SH3BGRL2: variants seen among roughly 807,000 people sequenced by gnomAD.
The protein encoded by SH3BGRL2 is SH3 domain binding glutamate rich protein like 2.
Under a neutral mutation model 14.8 loss-of-function variants are expected in SH3BGRL2, and 21 were observed. The ratio of observed to expected loss-of-function variants is 1.42; its 90% CI spans 1.01 to 2.05. The LOEUF (loss-of-function observed/expected upper bound fraction) is 2.05. Ranked by LOEUF, SH3BGRL2 falls within the 30% of genes most tolerant of loss-of-function variation. SH3BGRL2 has a pLI of 0.00. For synonymous variants in SH3BGRL2, 50 were observed against 47.8 expected, an observed-to-expected ratio of 1.05 and a Z score of -0.19; for missense variants, 147 against 130.8, an observed-to-expected ratio of 1.12 and a Z score of -0.61.
the SH3BGRL2 span, among the ~76,000 whole-genome samples, chr6:79,578,871 T>C: frequency 6.6e-6 from 1 of 152,118 alleles, no homozygotes; most frequent in South Asian, 2.1e-4. Flanking sequence ...AGGAGGATGT[T>C]CAAACCCATT....
At chr6:79,619,229 T>C in the SH3BGRL2 span, among the ~76,000 whole-genome samples, 1 of 152,118 alleles carries the variant, frequency 6.6e-6, no homozygotes, top group Non-Finnish European at 1.5e-5. Context: ...AATTATTTTG[T>C]CTCTTTTTGT....
chr6:79,548,876 G>C, the SH3BGRL2 span, among the ~76,000 whole-genome samples: 10,610 of 152,122 alleles, frequency 0.07, 537 homozygotes, highest in Non-Finnish European at 0.1. Flanking sequence ...GAGATGAAGG[G>C]AATGAGGGGG....
chr6:79,588,079 G>T, the SH3BGRL2 span, among the ~76,000 whole-genome samples: 1 of 152,114 alleles, frequency 6.6e-6, no homozygotes, highest in Non-Finnish European at 1.5e-5. Context: ...GGATCACGAG[G>T]TCAGGAGATT....
At chr6:79,588,653 G>T in the SH3BGRL2 span, among the ~76,000 whole-genome samples, 2 of 152,144 alleles carry the variant, frequency 1.3e-5, no homozygotes, top group African/African-American at 4.8e-5. Context: ...GTGTATAAAA[G>T]TATCAATCAT....
intron 2 of SH3BGRL2, among the ~76,000 whole-genome samples, chr6:79,678,164 A>G (rs1454866660): frequency 2.0e-5 from 3 of 152,192 alleles, no homozygotes; most frequent in Non-Finnish European, 2.9e-5. Flanking sequence ...AAAACATATA[A>G]CACTTACTAT....
chr6:79,540,098 T>G, the SH3BGRL2 span, among the ~76,000 whole-genome samples: 1 of 152,156 alleles, frequency 6.6e-6, no homozygotes, highest in Non-Finnish European at 1.5e-5. Flanking sequence ...ATATGCTGCA[T>G]GTTTAAGAGA....
At chr6:79,552,140 G>A in the SH3BGRL2 span, among the ~76,000 whole-genome samples, 1 of 152,158 alleles carries the variant, frequency 6.6e-6, no homozygotes, top group Admixed American at 6.5e-5. Context: ...TGCAGTCTCT[G>A]TAACCTGGCA....
At chr6:79,676,831 T>C (rs1387686322) in intron 2 of SH3BGRL2, among the ~76,000 whole-genome samples, 1 of 152,160 alleles carries the variant, frequency 6.6e-6, no homozygotes, top group East Asian at 1.9e-4. Context: ...TTTTATCTCT[T>C]TATGACGTCT....
At chr6:79,616,572 A>C in the SH3BGRL2 span, among the ~76,000 whole-genome samples, 4 of 150,276 alleles carry the variant, frequency 2.7e-5, no homozygotes, top group African/African-American at 9.8e-5. Flanking sequence ...CGTCTCAGAG[A>C]TGTTAAGTGA....
chr6:79,673,811 G>A lies in SH3BGRL2; in HGVS notation c.231+12G>A. 6.2e-7 allele frequency: 1 copy of A among 1,609,886 alleles called. No individual in the cohort carries two copies. Among genetic ancestry groups the A allele is most frequent in the Non-Finnish European group, 8.5e-7 (1 of 1,177,940 alleles). ...ACCGATACTGTGGAGTAAGTGGCTA[G>A]ACTGTTATCATGCTGTTTCTTTTTA... On this transcript the variant is annotated intron_variant, in intron 2 of 3. Transcript: ENST00000369838.
intron 2 of SH3BGRL2, among the ~76,000 whole-genome samples, chr6:79,688,070 A>T (rs576631524): frequency 6.6e-6 from 1 of 152,180 alleles, no homozygotes. Flanking sequence ...TAATGTCCTT[A>T]AGTAAGCCTT....
At chr6:79,690,959 T>C (rs564029852) in intron 2 of SH3BGRL2, among the ~76,000 whole-genome samples, 1 of 152,328 alleles carries the variant, frequency 6.6e-6, no homozygotes, top group African/African-American at 2.4e-5. Flanking sequence ...ATTTCTCTCA[T>C]GAACATAGAT....
chr6:79,663,888 C>T (rs755345844), intron 1 of SH3BGRL2, among the ~76,000 whole-genome samples: 14 of 152,206 alleles, frequency 9.2e-5, no homozygotes, highest in Non-Finnish European at 1.6e-4. Flanking sequence ...CCGCCCCTCC[C>T]CCAGCCAGGC....
the SH3BGRL2 span, among the ~76,000 whole-genome samples, chr6:79,617,908 C>T: frequency 9.9e-4 from 151 of 152,282 alleles, no homozygotes; most frequent in African/African-American, 3.5e-3. Context: ...ACACACAGGT[C>T]CTTCCATTGT....
the SH3BGRL2 span, among the ~76,000 whole-genome samples, chr6:79,551,751 G>C: frequency 6.6e-6 from 1 of 152,158 alleles, no homozygotes; most frequent in Non-Finnish European, 1.5e-5. Flanking sequence ...CTTTGTGGTG[G>C]AGACTTAACA....
chr6:79,614,832 C>T, the SH3BGRL2 span, among the ~76,000 whole-genome samples: 1 of 152,072 alleles, frequency 6.6e-6, no homozygotes, highest in South Asian at 2.1e-4. Context: ...AGGACTGAGA[C>T]TGAAACCCAG....
chr6:79,677,736 A>G (rs776811910), intron 2 of SH3BGRL2, among the ~76,000 whole-genome samples: 15 of 152,294 alleles, frequency 9.8e-5, no homozygotes, highest in African/African-American at 2.9e-4. Context: ...CAAAGTTGCT[A>G]GTATCTTTCT....
intron 1 of SH3BGRL2, among the ~76,000 whole-genome samples, chr6:79,670,871 A>C (rs574056657): frequency 1.4e-4 from 22 of 152,316 alleles, no homozygotes; most frequent in Admixed American, 1.2e-3. Flanking sequence ...GCAAGTAAGC[A>C]GACTAGAGAA....
At chr6:79,617,830 A>G in the SH3BGRL2 span, among the ~76,000 whole-genome samples, 1 of 152,226 alleles carries the variant, frequency 6.6e-6, no homozygotes, top group Non-Finnish European at 1.5e-5. Context: ...TGCAACAATC[A>G]GGAGGCACTT....
Sources: gnomAD v4.1 joint callset for allele counts (sites outside exome capture counted in the v4.1 genomes callset) on GRCh38, gnomAD v4.1.1 for gene constraint, MANE v1.5 for transcripts, NCBI Gene and HGNC (gene_info 2026-07-23, HGNC 2026-07-21) for gene names.